The following ENO4 variants were observed in gnomAD, a reference collection of about 807,000 sequenced individuals.
ENO4 encodes enolase 4.
ENO4 carries 53 observed loss-of-function variants against 63.2 expected under a neutral mutation model. The ratio of observed to expected loss-of-function variants is 0.84; its 90% CI spans 0.67 to 1.05. The LOEUF is 1.05. Among genes scored for constraint, ENO4 ranks in the 50% least tolerant of loss-of-function variants. ENO4 has a pLI of 0.00. For missense variants in ENO4, 719 were observed against 772.0 expected, an observed-to-expected ratio of 0.93 and a Z score of 0.81; for synonymous variants, 266 against 283.8, an observed-to-expected ratio of 0.94 and a Z score of 0.63.
At chr10:116,853,171 T>C (rs945184704) in intron 1 of ENO4, among the ~76,000 whole-genome samples, 1 of 151,856 alleles carries the variant, frequency 6.6e-6, no homozygotes, top group African/African-American at 2.4e-5. Flanking sequence ...GTCGGGCGAC[T>C]GTAGTCCCAG....
At chr10:116,857,788 C>T (rs1846308472) in intron 3 of ENO4, among the ~76,000 whole-genome samples, 1 of 152,006 alleles carries the variant, frequency 6.6e-6, no homozygotes, top group South Asian at 2.1e-4. Flanking sequence ...CATGCACTTG[C>T]CACCATGCCC....
intron 7 of ENO4, 86 bp downstream of exon 7, chr10:116,862,938 A>T: frequency 1.1e-6 from 1 of 946,294 alleles, no homozygotes; most frequent in Non-Finnish European, 1.6e-6. Context: ...GACTTAAATC[A>T]ATTGTGGTTG....
intron 10 of ENO4, among the ~76,000 whole-genome samples, chr10:116,890,040 T>C (rs1191811641): frequency 3.3e-5 from 5 of 152,178 alleles, no homozygotes; most frequent in Admixed American, 3.3e-4. Context: ...ACCCAAGTTC[T>C]CACTCTAGTA....
intron 10 of ENO4, among the ~76,000 whole-genome samples, chr10:116,908,852 T>C (rs1225465596): frequency 6.6e-6 from 1 of 152,226 alleles, no homozygotes; most frequent in African/African-American, 2.4e-5. Flanking sequence ...CCATTTTCCA[T>C]GTTTTAACCC....
chr10:116,901,117 A>G, intron 10 of ENO4: 1 of 985,404 alleles, frequency 1.0e-6, no homozygotes. Context: ...ACTAGCTGAC[A>G]TCCTGGCAAG....
At chr10:116,875,950 T>C in intron 10 of ENO4, 115 bp from the exon 11 acceptor site, 4 of 721,490 alleles carry the variant, frequency 5.5e-6, no homozygotes, top group Middle Eastern at 2.6e-4. Flanking sequence ...TAAAAGAAAA[T>C]TGTTTTGTGC....
intron 10 of ENO4, among the ~76,000 whole-genome samples, chr10:116,897,126 T>C (rs1230858295): frequency 6.6e-6 from 1 of 152,162 alleles, no homozygotes; most frequent in African/African-American, 2.4e-5. Context: ...TGTGATCAGG[T>C]ACTTCTAATG....
intron 1 of ENO4, 75 bp downstream of exon 1, chr10:116,849,806 C>G: frequency 7.1e-7 from 1 of 1,411,254 alleles, no homozygotes; most frequent in Non-Finnish European, 9.5e-7. Flanking sequence ...ACGCCTTGCG[C>G]CTGCGCCTGC....
intron 10 of ENO4, among the ~76,000 whole-genome samples, chr10:116,903,047 A>G (rs974148710): frequency 5.9e-5 from 9 of 152,174 alleles, no homozygotes; most frequent in Admixed American, 2.6e-4. Flanking sequence ...AAACCTACCT[A>G]AGAGAGACTA....
chr10:116,908,920 A>G (rs74159003), intron 10 of ENO4, among the ~76,000 whole-genome samples: 9,027 of 152,184 alleles, frequency 0.059, 859 homozygotes, highest in African/African-American at 0.2. Flanking sequence ...CAGCTAACAT[A>G]TGAGTAAACT....
intron 10 of ENO4, among the ~76,000 whole-genome samples, chr10:116,893,576 G>GCACACACACACACACACACACACACACA (rs6144113): frequency 0.057 from 7,002 of 123,436 alleles, 418 homozygotes; most frequent in Middle Eastern, 0.091. Context: ...GCACTCATGT[G>GCACACACACACACACACACACACACACA]CACACACACA....
chr10:116,891,993 A>C (rs752223189), intron 10 of ENO4, among the ~76,000 whole-genome samples: 3 of 152,208 alleles, frequency 2.0e-5, no homozygotes, highest in Non-Finnish European at 4.4e-5. Context: ...AAACAACAGA[A>C]TACTACTATG....
In ENO4 at chr10:116,879,356, T is replaced by G. The variant is rs759754005; in HGVS notation, c.1603T>G (p.Leu535Val). The G allele has an allele frequency of 6.5e-7, 1 of 1,549,236 alleles. No homozygotes were observed. The highest frequency in any genetic ancestry group is 8.7e-7 in the Non-Finnish European group (1 of 1,145,826). Residue 535 changes from leucine (L) to valine (V), a missense_variant and splice_region_variant, in exon 12 of 14, where the codon TTG becomes GTG. Around this residue, in one of 3 missense-constraint regions of ENO4, gnomAD observed 168 missense variants for 163.3 expected, o/e 1.03. Transcript: ENST00000341276. Reference sequence around the variant, plus strand: ...ATCATCTGATGACAGCCTTGTCGATTTGGTAAGTGCTGAATGCTGGTCAAC... The same window carrying G: ...ATCATCTGATGACAGCCTTGTCGATGTGGTAAGTGCTGAATGCTGGTCAAC... ...GESSDDSLVD[L>V]AVGLGVRFIK...
At chr10:116,873,177 A>G (rs1229422017) in intron 9 of ENO4, among the ~76,000 whole-genome samples, 1 of 152,208 alleles carries the variant, frequency 6.6e-6, no homozygotes, top group Non-Finnish European at 1.5e-5. Flanking sequence ...TAAGCTTTGC[A>G]TTATAGAAGT....
intron 10 of ENO4, among the ~76,000 whole-genome samples, chr10:116,902,529 C>T (rs964695117): frequency 2.6e-5 from 4 of 152,092 alleles, no homozygotes; most frequent in African/African-American, 9.7e-5. Flanking sequence ...TGGCTATTTA[C>T]CTTTTGGACT....
In ENO4 at chr10:116,856,523, T is replaced by C. The variant is rs917176737; in HGVS notation, c.326T>C (p.Phe109Ser). The change falls in exon 3 of 14, where the codon TTT becomes TCT. Residue 109 changes from phenylalanine to serine, a missense_variant. Physicochemically the swap from Phe to Ser is radical, Grantham distance 155. Coordinates refer to ENST00000341276, the MANE Select transcript of ENO4 (RefSeq NM_001242699.2). ...TGTTCTGTGGTGATCTCGACTCATT[T>C]TGAAGTCCATGAGAATGCTCTGCCC... ...NVCSVVISTH[F>S]EVHENALPEL... 1.7e-5 allele frequency: 26 copies of C among 1,535,862 alleles called. No homozygotes were observed. In the African/African-American group the frequency reaches 2.6e-4, roughly 15 times the overall value.
chr10:116,904,108 T>C (rs553819936), intron 10 of ENO4, among the ~76,000 whole-genome samples: 30 of 152,362 alleles, frequency 2.0e-4, no homozygotes, highest in Non-Finnish European at 3.8e-4. Context: ...TCTCTTCTGA[T>C]GTTTCCTTTC....
chr10:116,905,127 G>A (rs1300158507), intron 10 of ENO4, among the ~76,000 whole-genome samples: 3 of 151,350 alleles, frequency 2.0e-5, no homozygotes, highest in South Asian at 2.1e-4. Flanking sequence ...CGTTGAACCC[G>A]GGAAGCGGAG....
At chr10:116,887,329 A>G (rs1009833483), downstream of ENO4, among the ~76,000 whole-genome samples, 2 of 152,168 alleles carry the variant, frequency 1.3e-5, no homozygotes, top group African/African-American at 4.8e-5. Flanking sequence ...ATGGGAACAG[A>G]TATCTCTGAA....
Sources: gnomAD v4.1 joint callset for allele counts (sites outside exome capture counted in the v4.1 genomes callset) on GRCh38, gnomAD v4.1.1 for gene constraint, gnomAD v4.1.1 regional missense constraint, MANE v1.5 for transcripts, NCBI Gene and HGNC (gene_info 2026-07-23, HGNC 2026-07-21) for gene names.